NME7: variants seen among roughly 807,000 people sequenced by gnomAD.
NME7 encodes NME/NM23 family member 7.
A neutral mutation model predicts 49.1 loss-of-function variants in NME7; 41 were observed. The observed-to-expected ratio is 0.83, with a 90% CI of 0.65 to 1.08. NME7 has a LOEUF of 1.08. NME7 is among the 50% of genes least tolerant of loss of function. The pLI, the probability that NME7 is intolerant of heterozygous loss-of-function variation, is 0.00. For missense variants in NME7, 423 were observed against 463.4 expected (o/e 0.91, Z 0.80); for synonymous variants, 139 against 150.6 (o/e 0.92, Z 0.56).
At chr1:169,192,355 C>T (rs1660256638) in intron 10 of NME7, among the ~76,000 whole-genome samples, 1 of 152,110 alleles carries the variant, frequency 6.6e-6, no homozygotes, top group Non-Finnish European at 1.5e-5. Context: ...AAAAAAATTG[C>T]ACCTATACAG....
chr1:169,235,670 A>C (rs1263681668), intron 8 of NME7, among the ~76,000 whole-genome samples: 1 of 152,168 alleles, frequency 6.6e-6, no homozygotes, highest in East Asian at 1.9e-4. Flanking sequence ...ACAAGAAAGA[A>C]ATATTACTAA....
At chr1:169,228,073 T>C (rs578158055) in intron 10 of NME7, among the ~76,000 whole-genome samples, 29 of 137,654 alleles carry the variant, frequency 2.1e-4, no homozygotes, top group Admixed American at 9.2e-4. Context: ...CACACACACA[T>C]ATATACGTGT....
intron 11 of NME7, among the ~76,000 whole-genome samples, chr1:169,163,318 T>C (rs1276515468): frequency 6.6e-6 from 1 of 151,822 alleles, no homozygotes; most frequent in Non-Finnish European, 1.5e-5. Context: ...ATGAGTAACG[T>C]ATGCCATACA....
At chr1:169,248,463 C>T (rs1648415199) in intron 7 of NME7, among the ~76,000 whole-genome samples, 1 of 151,896 alleles carries the variant, frequency 6.6e-6, no homozygotes, top group Non-Finnish European at 1.5e-5. Context: ...TTTTAATGTA[C>T]TGAAGTTTCT....
chr1:169,178,979 C>G (rs1302856888), intron 10 of NME7, among the ~76,000 whole-genome samples: 1 of 152,042 alleles, frequency 6.6e-6, no homozygotes, highest in Non-Finnish European at 1.5e-5. Flanking sequence ...TGCCACCACA[C>G]CCGGCTAATT....
At chr1:169,183,499 A>G (rs1443315934) in intron 10 of NME7, among the ~76,000 whole-genome samples, 1 of 152,192 alleles carries the variant, frequency 6.6e-6, no homozygotes, top group Admixed American at 6.5e-5. Context: ...TCTTGGTTAC[A>G]TATTTCTTAA....
chr1:169,359,860 G>A (rs1056182771), intron 1 of NME7, among the ~76,000 whole-genome samples: 6 of 152,078 alleles, frequency 3.9e-5, no homozygotes, highest in African/African-American at 1.4e-4. Context: ...GAGAACAACA[G>A]CAACTTATTA....
chr1:169,334,246 A>C (rs1012484307), intron 1 of NME7, among the ~76,000 whole-genome samples: 4 of 152,222 alleles, frequency 2.6e-5, no homozygotes, highest in Non-Finnish European at 5.9e-5. Context: ...GTTACAGTTC[A>C]ACAAGCTTCT....
chr1:169,250,591 T>A (rs1648522500), intron 7 of NME7, among the ~76,000 whole-genome samples: 1 of 152,118 alleles, frequency 6.6e-6, no homozygotes, highest in South Asian at 2.1e-4. Flanking sequence ...TCTTTCAGAT[T>A]TTTTAATGTA....
intron 7 of NME7, among the ~76,000 whole-genome samples, chr1:169,243,795 A>G (rs1449887646): frequency 6.6e-6 from 1 of 152,194 alleles, no homozygotes; most frequent in East Asian, 1.9e-4. Flanking sequence ...TATGGTATTT[A>G]TATTGTAGCA....
At chr1:169,229,887 G>A (rs1056207535) in intron 10 of NME7, among the ~76,000 whole-genome samples, 20 of 151,984 alleles carry the variant, frequency 1.3e-4, no homozygotes, top group African/African-American at 3.9e-4. Flanking sequence ...ACTAGAGCCC[G>A]GGAGGTGGAG....
intron 3 of NME7, among the ~76,000 whole-genome samples, chr1:169,316,655 G>A (rs1371571866): frequency 2.0e-5 from 3 of 152,162 alleles, no homozygotes; most frequent in African/African-American, 7.2e-5. Context: ...CCAGAGAGAT[G>A]TCAGTGTGAG....
chr1:169,300,463 T>C (rs1650894887), intron 5 of NME7, among the ~76,000 whole-genome samples: 1 of 152,164 alleles, frequency 6.6e-6, no homozygotes, highest in Non-Finnish European at 1.5e-5. Context: ...GTAACATTCT[T>C]TCTTATTAGA....
At chr1:169,324,624 T>A (rs949459067) in intron 1 of NME7, 124 bp from the exon 2 acceptor site, 1 of 607,484 alleles carries the variant, frequency 1.6e-6, no homozygotes, top group Non-Finnish European at 2.9e-6. Context: ...TTATATTGAA[T>A]GTTTCTGCTT....
chr1:169,179,664 AT>A (rs1278030510), intron 10 of NME7, among the ~76,000 whole-genome samples: 1 of 152,228 alleles, frequency 6.6e-6, no homozygotes, highest in Non-Finnish European at 1.5e-5. Context: ...AGAAACATGG[AT>A]GGAGCTGGAG....
chr1:169,169,401 T>G (rs779224561), intron 11 of NME7, 46 bp downstream of exon 11: 1 of 1,524,596 alleles, frequency 6.6e-7, no homozygotes. Flanking sequence ...CTGAGATAAT[T>G]TATGAGCTTG....
intron 9 of NME7, 39 bp downstream of exon 9, chr1:169,235,092 T>C (rs1647803649): frequency 8.4e-7 from 1 of 1,194,854 alleles, no homozygotes; most frequent in African/African-American, 1.5e-5. Flanking sequence ...TACTTTTCAC[T>C]TAACAGTACA....
At chr1:169,153,260 T>G (rs1420614555) in intron 11 of NME7, among the ~76,000 whole-genome samples, 2 of 152,186 alleles carry the variant, frequency 1.3e-5, no homozygotes, top group African/African-American at 4.8e-5. Context: ...TGGTATATAT[T>G]GCTTAGTAAA....
At chr1:169,356,213 T>C (rs1653463996) in intron 1 of NME7, among the ~76,000 whole-genome samples, 1 of 152,172 alleles carries the variant, frequency 6.6e-6, no homozygotes, top group African/African-American at 2.4e-5. Context: ...AAGGACACTA[T>C]CAATTAGTTA....
Sources: gnomAD v4.1 joint callset for allele counts (sites outside exome capture counted in the v4.1 genomes callset) on GRCh38, gnomAD v4.1.1 for gene constraint, MANE v1.5 for transcripts, NCBI Gene and HGNC (gene_info 2026-07-23, HGNC 2026-07-21) for gene names.